Variants in PCDHGA4 observed in about 807,000 individuals in gnomAD.
PCDHGA4 encodes protocadherin gamma-A4.
In PCDHGA4, 38 loss-of-function variants were observed where a neutral mutation model predicts 54.6. The observed-to-expected ratio is 0.70, with a 90% CI of 0.54 to 0.91. The LOEUF (loss-of-function observed/expected upper bound fraction) is 0.91. PCDHGA4 is among the 40% of genes least tolerant of loss of function. The pLI, the probability that PCDHGA4 is intolerant of heterozygous loss-of-function variation, is 0.00. For synonymous variants in PCDHGA4, 511 were observed against 512.9 expected (o/e 1.00, Z 0.05); for missense variants, 1,298 against 1,220.9 (o/e 1.06, Z -0.94).
At chr5:141,366,100 G>A (rs1380197041) in intron 1 of PCDHGA4, 1 of 1,614,140 alleles carries the variant, frequency 6.2e-7, no homozygotes, top group Non-Finnish European at 8.5e-7. Flanking sequence ...TGGTGACCAA[G>A]GTGGTAGCGG....
chr5:141,366,679 G>C (rs1414514905), intron 1 of PCDHGA4: 2 of 1,614,156 alleles, frequency 1.2e-6, no homozygotes, highest in Non-Finnish European at 1.7e-6. Flanking sequence ...TTAGTGAAGA[G>C]AGCTGTGAGA....
intron 1 of PCDHGA4, among the ~76,000 whole-genome samples, chr5:141,462,035 C>G (rs35674654): frequency 2.0e-5 from 3 of 152,076 alleles, no homozygotes; most frequent in Non-Finnish European, 4.4e-5. Context: ...GTTGGTCAGG[C>G]GGGTCTTGAA....
At chr5:141,421,224 T>G (rs1401875673) in intron 1 of PCDHGA4, 2 of 1,582,072 alleles carry the variant, frequency 1.3e-6, no homozygotes, top group Admixed American at 3.6e-5. Flanking sequence ...GCTTAGAGCC[T>G]GCCATGGCGA....
rs1427934561 is a variant in PCDHGA4, at chr5:141,511,140, CAAG to C, written c.2863_2865del (p.Lys955del). The stretch of plus-strand genomic sequence containing the variant: ...AGGCCCCAGCAGGTGGCAATGGCAA[CAAG>C]AAGAAGTCGGGCAAGAAGGAGAAGA... On this transcript the variant is annotated inframe_deletion, in exon 4 of 4. Coordinates refer to ENST00000571252, the MANE Select transcript of PCDHGA4 (RefSeq NM_018917.4). 9 of 1,614,186 alleles carry C rather than the reference CAAG, an allele frequency of 5.6e-6. No individual in the cohort carries two copies. The East Asian group carries it at 6.7e-5, about 12-fold the overall frequency.
intron 1 of PCDHGA4, chr5:141,393,973 G>T (rs776954838): frequency 4.3e-6 from 7 of 1,613,668 alleles, no homozygotes; most frequent in Non-Finnish European, 5.1e-6. Context: ...TGTTACACAC[G>T]TGATAATTTA....
intron 1 of PCDHGA4, chr5:141,402,829 T>C: frequency 7.5e-7 from 1 of 1,342,036 alleles, no homozygotes; most frequent in Non-Finnish European, 9.8e-7. Flanking sequence ...GCTCCCAGGC[T>C]GCAGCAAAAC....
intron 1 of PCDHGA4, chr5:141,394,876 G>T: frequency 1.2e-6 from 2 of 1,613,866 alleles, no homozygotes; most frequent in Middle Eastern, 1.6e-4. Flanking sequence ...AACGATTCGA[G>T]CCTTACACTC....
intron 1 of PCDHGA4, chr5:141,422,893 C>A (rs1405800318): frequency 4.3e-6 from 7 of 1,614,246 alleles, no homozygotes; most frequent in Non-Finnish European, 5.9e-6. Context: ...CGTGCTGGAC[C>A]AGAACGACAA....
intron 1 of PCDHGA4, chr5:141,419,693 A>G (rs1241615790): frequency 6.2e-7 from 1 of 1,612,884 alleles, no homozygotes; most frequent in Non-Finnish European, 8.5e-7. Flanking sequence ...GGTGCAGGCC[A>G]GTGAGCCCGG....
chr5:141,376,437 A>C (rs375879976), intron 1 of PCDHGA4: 1 of 1,614,086 alleles, frequency 6.2e-7, no homozygotes, highest in South Asian at 1.1e-5. Flanking sequence ...CAGGAGAGCT[A>C]TGAGAAAAGC....
At chr5:141,442,737 G>A (rs1376026431) in intron 1 of PCDHGA4, among the ~76,000 whole-genome samples, 1 of 152,152 alleles carries the variant, frequency 6.6e-6, no homozygotes, top group Non-Finnish European at 1.5e-5. Flanking sequence ...CTGTAGGTAA[G>A]GAGCATGTTT....
At chr5:141,504,980 G>A (rs113323355) in intron 2 of PCDHGA4, among the ~76,000 whole-genome samples, 174 of 152,196 alleles carry the variant, frequency 1.1e-3, no homozygotes, top group African/African-American at 3.9e-3. Context: ...TGGCCAACAT[G>A]GTGAAACCCC....
chr5:141,462,983 T>C (rs530985795), intron 1 of PCDHGA4, among the ~76,000 whole-genome samples: 278 of 152,304 alleles, frequency 1.8e-3, no homozygotes, highest in Non-Finnish European at 3.4e-3. Flanking sequence ...AACTTTTGCC[T>C]TGGGCTAATT....
chr5:141,489,211 A>G lies in PCDHGA4; in HGVS notation c.2515-5596A>G, dbSNP rs1206929838. On this transcript the variant is annotated intron_variant, in intron 1 of 3. Coordinates refer to ENST00000571252, the MANE Select transcript of PCDHGA4 (RefSeq NM_018917.4). This position sits in a 1 kb window ranked among gnomAD's most constrained non-coding sequence, Gnocchi z 4.5. The stretch of plus-strand genomic sequence containing the variant: ...CTACCTTGGAGACAGGACAGCACAG[A>G]CTTACTCTCCACAAAGGGACTTCTG... 2 of 1,462,498 alleles carry G rather than the reference A, an allele frequency of 1.4e-6. No individual in the cohort carries two copies. Among genetic ancestry groups the G allele is most frequent in the Non-Finnish European group, 1.8e-6 (2 of 1,081,560 alleles). The allele number at this position is 1,462,498 out of a possible 1,614,324, so 90.6% of individuals were successfully genotyped here. A position where few individuals can be genotyped will look rare whatever the true frequency, so the allele number is the denominator to read the frequency against.
chr5:141,384,703 G>T, intron 1 of PCDHGA4: 2 of 1,614,100 alleles, frequency 1.2e-6, no homozygotes, highest in Non-Finnish European at 8.5e-7. Context: ...AGGCCAGAAC[G>T]CCTGGCTGTC....
In PCDHGA4 at chr5:141,432,076, G is replaced by A. The variant is rs1442341840; in HGVS notation, c.2515-62731G>A. The A allele has an allele frequency of 1.2e-6, 2 of 1,614,160 alleles. No homozygotes were observed. Among genetic ancestry groups the A allele is most frequent in the East Asian group, 2.2e-5 (1 of 44,872 alleles). On this transcript the variant is annotated intron_variant, in intron 1 of 3. Coordinates refer to ENST00000571252, the MANE Select transcript of PCDHGA4 (RefSeq NM_018917.4). This position sits in a 1 kb window ranked among gnomAD's most constrained non-coding sequence, Gnocchi z 6.0. ...CCCTATCCACGGAAACTCATATCTCGCTGAACGTGGCAGACACCAACGACA... is the reference window on the plus strand; with the variant it reads ...CCCTATCCACGGAAACTCATATCTCACTGAACGTGGCAGACACCAACGACA...
intron 1 of PCDHGA4, among the ~76,000 whole-genome samples, chr5:141,406,662 A>G (rs1357382326): frequency 6.6e-6 from 1 of 152,208 alleles, no homozygotes; most frequent in Non-Finnish European, 1.5e-5. Flanking sequence ...TTAATGTTAA[A>G]TTATGGAGAA....
Position 141,477,197 on chromosome 5 carries a change from G to C in PCDHGA4, c.2515-17610G>C, listed in dbSNP as rs781504885. 6.2e-7 allele frequency: 1 copy of C among 1,614,210 alleles called. No homozygotes were observed. Among genetic ancestry groups the C allele is most frequent in the South Asian group, 1.1e-5 (1 of 91,082 alleles). On this transcript the variant is annotated intron_variant, in intron 1 of 3. Transcript: ENST00000571252. The surrounding 1 kb of genome is among the most constrained non-coding windows in gnomAD (Gnocchi z 4.9). ...CACAGTCACCTCCGTGTACAGCCCA[G>C]TACCCGAGGATGCCCCTCTGGGGAC...
intron 2 of PCDHGA4, among the ~76,000 whole-genome samples, chr5:141,496,078 CCCCACCCACCA>C (rs1204698458): frequency 6.6e-6 from 1 of 152,016 alleles, no homozygotes; most frequent in Non-Finnish European, 1.5e-5. Context: ...ACACACAACC[CCCCACCCACCA>C]CCCACCAACA....
Sources: allele counts gnomAD v4.1 joint callset (sites outside exome capture counted in the v4.1 genomes callset), GRCh38; gene constraint gnomAD v4.1.1; non-coding constraint Gnocchi (gnomAD v3.1); transcripts MANE v1.5; gene names NCBI Gene and HGNC (gene_info 2026-07-23, HGNC 2026-07-21).